Variants in AOC1 observed in about 807,000 individuals in gnomAD.
AOC1 encodes amine oxidase copper containing 1, also known as diamine oxidase [copper-containing].
A neutral mutation model predicts 57.1 loss-of-function variants in AOC1; 58 were observed. The ratio of observed to expected loss-of-function variants is 1.02; its 90% CI spans 0.82 to 1.26. AOC1 has a LOEUF of 1.26. AOC1 is among the 50% of genes most tolerant of loss of function. AOC1 has a pLI of 0.00. For synonymous variants in AOC1, 401 were observed against 423.4 expected, an observed-to-expected ratio of 0.95 and a Z score of 0.65; for missense variants, 917 against 1,005.3, an observed-to-expected ratio of 0.91 and a Z score of 1.19.
chr7:150,860,574 T>G lies in AOC1; in HGVS notation c.1930T>G (p.Trp644Gly). The change falls in exon 4 of 5, where the codon TGG (tryptophan) becomes GGG (glycine). Residue 644 changes from tryptophan (W) to glycine (G), a missense_variant. Transcript: ENST00000360937. Reference protein sequence around the residue: ...SSSIYHQNDPWHPPVVFEQFL... With the variant: ...SSSIYHQNDPGHPPVVFEQFL... ...CAGCATCTACCACCAGAACGACCCC[T>G]GGCACCCGCCCGTGGTCTTTGAGCA... 1 of 1,614,022 alleles carries G rather than the reference T, an allele frequency of 6.2e-7. No homozygotes were observed. Among genetic ancestry groups the G allele is most frequent in the South Asian group, 1.1e-5 (1 of 91,082 alleles).
Position 150,858,994 on chromosome 7 carries a change from C to G in AOC1, c.1802C>G (p.Ala601Gly). Residue 601 changes from alanine to glycine, a missense_variant, in exon 3 of 5, where the codon GCC becomes GGC. Ala to Gly is a moderately conservative substitution (Grantham distance 60). Transcript: ENST00000360937. ...TACCGCCTGCAGATCCACTCCATGGCCGACCAGGTGCTGCCCCCAGGCTGG... is the reference window on the plus strand; with the variant it reads ...TACCGCCTGCAGATCCACTCCATGGGCGACCAGGTGCTGCCCCCAGGCTGG... ...RTYRLQIHSM[A>G]DQVLPPGWQE... The G allele has an allele frequency of 6.3e-7, 1 of 1,597,198 alleles. No homozygotes were observed. The highest frequency in any genetic ancestry group is 8.6e-7 in the Non-Finnish European group (1 of 1,167,572).
intron 3 of AOC1, among the ~76,000 whole-genome samples, chr7:150,859,645 G>A (rs1377296277): frequency 6.8e-6 from 1 of 146,156 alleles, no homozygotes; most frequent in Admixed American, 6.9e-5. Flanking sequence ...GGAGCTTGCA[G>A]TGAGCCGAGA....
At position 150,861,168 on chromosome 7, in the gene AOC1, C is replaced by A; in HGVS notation, c.2215C>A (p.Pro739Thr). The A allele has an allele frequency of 6.2e-7, 1 of 1,608,840 alleles. No homozygotes were observed. The highest frequency in any genetic ancestry group is 8.5e-7 in the Non-Finnish European group (1 of 1,175,858). The change falls in exon 5 of 5, where the codon CCT becomes ACT. Residue 739 changes from proline (P) to threonine (T), a missense_variant. Physicochemically the swap from Pro to Thr is conservative, Grantham distance 38. Coordinates refer to ENST00000360937, the MANE Select transcript of AOC1 (RefSeq NM_001091.4). This position sits in a 1 kb window ranked among gnomAD's most constrained non-coding sequence, Gnocchi z 4.5. Reference protein sequence around the residue: ...WIPEDRDCSMPPPFSYNGTYR... With the variant: ...WIPEDRDCSMTPPFSYNGTYR... ...CCCTGAGGACAGGGACTGCTCGATG[C>A]CTCCCCCTTTTAGCTACAATGGGAC...
At position 150,858,895 on chromosome 7, in the gene AOC1, G is replaced by A. The variant is rs370388971; in HGVS notation, c.1703G>A (p.Arg568His). 193 of 1,613,370 alleles carry A rather than the reference G, an allele frequency of 1.2e-4. 1 individual carries two copies. The highest frequency in any genetic ancestry group is 9.6e-5 in the Non-Finnish European group (113 of 1,179,692). ...TCCTGGGAGCGCCAGGCGGCCTTCC[G>A]CTTCAAAAGGAAGCTGCCTAAGTAC... is the stretch of plus-strand genomic sequence containing the variant. ...QYSWERQAAF[R>H]FKRKLPKYLL... The change falls in exon 3 of 5, where the codon CGC (arginine) becomes CAC (histidine). Residue 568 changes from arginine to histidine, a missense_variant. Arg to His is a conservative substitution (Grantham distance 29, BLOSUM62 0). Coordinates refer to ENST00000360937, the MANE Select transcript of AOC1 (RefSeq NM_001091.4).
Position 150,857,883 on chromosome 7 carries a change from C to T in AOC1, c.1413C>T (p.Pro471=). ...YDYIWDFIFY[P]NGVMEAKMHA... ...ACATTTGGGACTTTATCTTCTACCC[C>T]AACGGGGTGATGGAGGCCAAGATGC... The change falls in exon 2 of 5, where the codon CCC becomes CCT. Residue 471 remains proline, a synonymous_variant. Transcript: ENST00000360937. The surrounding 1 kb of genome is among the most constrained non-coding windows in gnomAD (Gnocchi z 6.6). The T allele has an allele frequency of 1.2e-6, 2 of 1,613,752 alleles. No homozygotes were observed. The highest frequency in any genetic ancestry group is 1.1e-5 in the South Asian group (1 of 91,034).
At chr7:150,858,426 G>A (rs1413174746) in intron 2 of AOC1, among the ~76,000 whole-genome samples, 2 of 152,230 alleles carry the variant, frequency 1.3e-5, no homozygotes, top group Admixed American at 6.5e-5. Flanking sequence ...AATAACTAAT[G>A]CTGCCAGACC....
chr7:150,857,487 G>A lies in AOC1; in HGVS notation c.1017G>A (p.Val339=). ...RSSSGLQVLN[V]HFGGERIAYE... ...CCTCCGGGCTGCAGGTCCTGAACGT[G>A]CACTTCGGCGGAGAGCGCATTGCCT... is the stretch of plus-strand genomic sequence containing the variant. Residue 339 remains valine, a synonymous_variant, in exon 2 of 5, where the codon GTG becomes GTA. Coordinates refer to ENST00000360937, the MANE Select transcript of AOC1 (RefSeq NM_001091.4). The surrounding 1 kb of genome is among the most constrained non-coding windows in gnomAD (Gnocchi z 6.6). The A allele has an allele frequency of 1.2e-6, 2 of 1,613,394 alleles. No individual in the cohort carries two copies. Among genetic ancestry groups the A allele is most frequent in the Non-Finnish European group, 1.7e-6 (2 of 1,179,854 alleles).
Position 150,858,055 on chromosome 7 carries a change from G to C in AOC1, c.1570+15G>C, listed in dbSNP as rs768291715. 13 of 1,502,356 alleles carry C rather than the reference G, an allele frequency of 8.7e-6. No homozygotes were observed. The highest frequency in any genetic ancestry group is 2.3e-5 in the East Asian group (1 of 43,800). The allele number at this position is 1,502,356 out of a possible 1,614,324, so 93.1% of individuals were successfully genotyped here. On this transcript the variant is annotated intron_variant, in intron 2 of 4. Coordinates refer to ENST00000360937, the MANE Select transcript of AOC1 (RefSeq NM_001091.4). ...GGATGTGGCAGGTAGGACTCAAAGC[G>C]AGACTCTCCCGTTCAAACATCTGCA... is the stretch of plus-strand genomic sequence containing the variant.
chr7:150,857,795 A>AT lies in AOC1; in HGVS notation c.1326dup (p.Ala443CysfsTer20). 6.2e-7 allele frequency: 1 copy of AT among 1,614,158 alleles called. No homozygotes were observed. The highest frequency in any genetic ancestry group is 1.3e-5 in the African/African-American group (1 of 75,042). On this transcript the variant is annotated frameshift_variant, in exon 2 of 5. Transcript: ENST00000360937. LOFTEE classifies it high-confidence loss of function. The surrounding 1 kb of genome is among the most constrained non-coding windows in gnomAD (Gnocchi z 6.6). ...AACTTTAAAGGTGGCTTCAACTTCT[A>AT]TGCGGGGCTGAAGGGCCAGGTGCTG... is the stretch of plus-strand genomic sequence containing the variant.
In AOC1 at chr7:150,857,880, C is replaced by T. The variant is rs749848713; in HGVS notation, c.1410C>T (p.Tyr470=). 45 of 1,613,642 alleles carry T rather than the reference C, an allele frequency of 2.8e-5. 1 individual carries two copies. Among genetic ancestry groups the T allele is most frequent in the Admixed American group, 5.0e-5 (3 of 59,984 alleles). Residue 470 remains tyrosine, a synonymous_variant, in exon 2 of 5, where the codon TAC becomes TAT. Transcript: ENST00000360937. This position sits in a 1 kb window ranked among gnomAD's most constrained non-coding sequence, Gnocchi z 6.6. Reference sequence around the variant, plus strand: ...ATTACATTTGGGACTTTATCTTCTACCCCAACGGGGTGATGGAGGCCAAGA... The same window carrying T: ...ATTACATTTGGGACTTTATCTTCTATCCCAACGGGGTGATGGAGGCCAAGA... The part of the protein sequence containing the change: ...NYDYIWDFIF[Y]PNGVMEAKMH...
rs370764836 is a variant in AOC1, at chr7:150,857,084, G to A, written c.614G>A (p.Arg205His). 49 of 1,614,064 alleles carry A rather than the reference G, an allele frequency of 3.0e-5. No homozygotes were observed. Among genetic ancestry groups the A allele is most frequent in the African/African-American group, 2.5e-4 (19 of 75,060 alleles). The change falls in exon 2 of 5, where the codon CGC (arginine) becomes CAC (histidine). Residue 205 changes from arginine to histidine, a missense_variant. Transcript: ENST00000360937. This position sits in a 1 kb window ranked among gnomAD's most constrained non-coding sequence, Gnocchi z 6.6. The part of the protein sequence containing the change: ...GQRRSWLIIQ[R>H]YVEGYFLHPT... ...CGCCGCAGTTGGCTTATCATACAGCGCTATGTAGAAGGCTACTTTCTGCAC... is the reference window on the plus strand; with the variant it reads ...CGCCGCAGTTGGCTTATCATACAGCACTATGTAGAAGGCTACTTTCTGCAC...
intron 1 of AOC1, among the ~76,000 whole-genome samples, chr7:150,854,683 T>C (rs1799722525): frequency 6.6e-6 from 1 of 152,186 alleles, no homozygotes; most frequent in Admixed American, 6.5e-5. Context: ...TCCCAACGCT[T>C]GTGCTTCGGA....
chr7:150,857,669 C>T lies in AOC1; in HGVS notation c.1199C>T (p.Thr400Ile), dbSNP rs758550670. The T allele has an allele frequency of 6.2e-7, 1 of 1,614,164 alleles. No homozygotes were observed. The highest frequency in any genetic ancestry group is 2.2e-5 in the East Asian group (1 of 44,880). The change falls in exon 2 of 5, where the codon ACT becomes ATT. Residue 400 changes from threonine to isoleucine, a missense_variant. Transcript: ENST00000360937. The surrounding 1 kb of genome is among the most constrained non-coding windows in gnomAD (Gnocchi z 6.6). The part of the protein sequence containing the change: ...DCPETATFLD[T>I]FHYYDADDPV... ...CCGGAGACCGCCACCTTCCTGGACA[C>T]TTTCCACTACTATGATGCCGATGAC...
rs759454839 is a variant in AOC1 at position 150,857,166 on chromosome 7, C to G, written c.696C>G (p.Ala232=). Residue 232 remains alanine (A), a synonymous_variant, in exon 2 of 5, where the codon GCC becomes GCG. Coordinates refer to ENST00000360937, the MANE Select transcript of AOC1 (RefSeq NM_001091.4). This position sits in a 1 kb window ranked among gnomAD's most constrained non-coding sequence, Gnocchi z 6.6. Reference sequence around the variant, plus strand: ...GGAGCACAGATGCTGGGCACTGGGCCGTGGAGCAGGTGTGGTACAACGGGA... The same window carrying G: ...GGAGCACAGATGCTGGGCACTGGGCGGTGGAGCAGGTGTGGTACAACGGGA... ...DHGSTDAGHW[A]VEQVWYNGKF... 2 of 1,613,838 alleles carry G rather than the reference C, an allele frequency of 1.2e-6. No homozygotes were observed. The highest frequency in any genetic ancestry group is 1.7e-6 in the Non-Finnish European group (2 of 1,179,900).
intron 3 of AOC1, 85 bp from the exon 4 acceptor site, chr7:150,860,416 T>C: frequency 1.2e-6 from 2 of 1,603,462 alleles, no homozygotes; most frequent in Non-Finnish European, 8.5e-7. Context: ...CTTCCTCTAT[T>C]CTGACCCTGA....
At position 150,857,332 on chromosome 7, in the gene AOC1, C is replaced by T. The variant is rs767383158; in HGVS notation, c.862C>T (p.Arg288Cys). Residue 288 changes from arginine to cysteine, a missense_variant, in exon 2 of 5, where the codon CGC becomes TGC. By Grantham distance (180) the Arg-to-Cys change is radical. Transcript: ENST00000360937. The surrounding 1 kb of genome is among the most constrained non-coding windows in gnomAD (Gnocchi z 6.6). ...GCCCCTCTTCTCCTCCCACAAGCCC[C>T]GCGGGGACTTCCCCAGCCCCATCCA... ...EPPLFSSHKP[R>C]GDFPSPIHVS... 4.4e-6 allele frequency: 7 copies of T among 1,600,866 alleles called. No individual in the cohort carries two copies. The highest frequency in any genetic ancestry group is 5.1e-6 in the Non-Finnish European group (6 of 1,172,036).
chr7:150,860,383 G>C (rs2071515), intron 3 of AOC1, 118 bp from the exon 4 acceptor site: 507,797 of 1,544,808 alleles, frequency 0.33, 88,558 homozygotes, highest in East Asian at 0.53. Context: ...CAGATGATCT[G>C]TCATCTTGGG....
In AOC1 at chr7:150,856,768, G is replaced by T. The variant is rs577618065; in HGVS notation, c.298G>T (p.Val100Phe). 2 of 1,614,128 alleles carry T rather than the reference G, an allele frequency of 1.2e-6. No individual in the cohort carries two copies. The highest frequency in any genetic ancestry group is 1.7e-5 in the Admixed American group (1 of 60,028). Residue 100 changes from valine to phenylalanine, a missense_variant, in exon 2 of 5, where the codon GTC (valine) becomes TTC (phenylalanine). Val to Phe is a conservative substitution (Grantham distance 50). Coordinates refer to ENST00000360937, the MANE Select transcript of AOC1 (RefSeq NM_001091.4). This position sits in a 1 kb window ranked among gnomAD's most constrained non-coding sequence, Gnocchi z 5.2. Reference sequence around the variant, plus strand: ...GCATCCTGTGCGGGAAGCCCGTGCCGTCATCTTCTTTGGTGACCAGGAGCA... The same window carrying T: ...GCATCCTGTGCGGGAAGCCCGTGCCTTCATCTTCTTTGGTGACCAGGAGCA... ...ERHPVREARA[V>F]IFFGDQEHPN...
rs1010169457 is a variant in AOC1, at chr7:150,857,518, G to T, written c.1048G>T (p.Val350Phe). The change falls in exon 2 of 5, where the codon GTC (valine) becomes TTC (phenylalanine). Residue 350 changes from valine (V) to phenylalanine (F), a missense_variant. By Grantham distance (50) the Val-to-Phe change is conservative (BLOSUM62 -1). Transcript: ENST00000360937. This position sits in a 1 kb window ranked among gnomAD's most constrained non-coding sequence, Gnocchi z 6.6. ...CGGCGGAGAGCGCATTGCCTATGAG[G>T]TCAGCGTGCAAGAGGCAGTGGCGCT... ...HFGGERIAYE[V>F]SVQEAVALYG... 5 of 1,613,826 alleles carry T rather than the reference G, an allele frequency of 3.1e-6. No homozygotes were observed. The African/African-American group carries it at 6.7e-5, about 22-fold the overall frequency.
Sources: gnomAD v4.1 joint callset for allele counts (sites outside exome capture counted in the v4.1 genomes callset) on GRCh38, gnomAD v4.1.1 for gene constraint, Gnocchi (gnomAD v3.1) non-coding constraint, MANE v1.5 for transcripts, NCBI Gene and HGNC (gene_info 2026-07-23, HGNC 2026-07-21) for gene names.